SVIL: variants seen among roughly 807,000 people sequenced by gnomAD.
SVIL encodes the protein supervillin, also known as archvillin.
SVIL carries 101 observed loss-of-function variants against 240.4 expected under a neutral mutation model. The observed-to-expected ratio is 0.42, with a 90% CI of 0.36 to 0.50. The LOEUF is 0.50. Among genes scored for constraint, SVIL ranks in the 20% least tolerant of loss-of-function variants. SVIL has a pLI of 0.01. For synonymous variants in SVIL, 999 were observed against 1,100.0 expected (o/e 0.91, Z 1.82); for missense variants, 2,512 against 2,818.7 (o/e 0.89, Z 2.46).
In SVIL at chr10:29,735,769, CCTCCCGGTGGCAGGATCGCCG is replaced by C; in HGVS notation, c.-439_-419del. 1 of 152,062 alleles carries C rather than the reference CCTCCCGGTGGCAGGATCGCCG, an allele frequency of 6.6e-6. No individual in the cohort carries two copies. The highest frequency in any genetic ancestry group is 3.4e-3 in the Middle Eastern group (1 of 290). The allele number at this position is 152,062 out of a possible 1,614,324, so 9.4% of individuals were successfully genotyped here. ...TGCTCACCTACCCGGCTCTTCCACA[CCTCCCGGTGGCAGGATCGCCG>C]CTTCCCGCCGACAGCGGCTCGGCGG... is the stretch of plus-strand genomic sequence containing the variant. On this transcript the variant is annotated 5_prime_UTR_variant, in exon 1 of 36. Transcript: ENST00000375400. This position sits in a 1 kb window ranked among gnomAD's most constrained non-coding sequence, Gnocchi z 4.1.
intron 3 of SVIL, among the ~76,000 whole-genome samples, chr10:29,561,096 C>A (rs949419527): frequency 6.7e-6 from 1 of 148,454 alleles, no homozygotes; most frequent in Non-Finnish European, 1.5e-5. Flanking sequence ...GCTGGGATTA[C>A]AGATGCGAGC....
chr10:29,548,716 A>G (rs1952927484), intron 6 of SVIL, among the ~76,000 whole-genome samples: 1 of 152,226 alleles, frequency 6.6e-6, no homozygotes, highest in Middle Eastern at 3.2e-3. Context: ...TGTGCTCTGC[A>G]CTGAGATGCT....
intron 1 of SVIL, among the ~76,000 whole-genome samples, chr10:29,613,002 CT>C: frequency 6.6e-6 from 1 of 152,050 alleles, no homozygotes; most frequent in Middle Eastern, 3.4e-3. Flanking sequence ...ATGGTGAAAC[CT>C]GGTCTCTACT....
At position 29,594,767 on chromosome 10, in the gene SVIL, G is replaced by A. The variant is rs555475106; in HGVS notation, c.-200-25455C>T. ...AGACAGGGTTTCGCCATATTGCCTA[G>A]GCCAGTCTTGAACTCCTGGGCTCAA... is the stretch of plus-strand genomic sequence containing the variant. On this transcript the variant is annotated intron_variant, in intron 1 of 37. Transcript: ENST00000355867. 1.1e-3 allele frequency among the ~76,000 whole-genome samples: 168 copies of A among 152,192 alleles called. 1 individual carries two copies. The South Asian group carries it at 0.034, about 31-fold the overall frequency.
intron 32 of SVIL, 135 bp downstream of exon 32, chr10:29,470,141 A>G: frequency 2.0e-6 from 2 of 998,926 alleles, no homozygotes; most frequent in Non-Finnish European, 3.0e-6. Context: ...GCCCCTGACC[A>G]CGTTCCCAGC....
chr10:29,533,988 C>G (rs1225189040), intron 7 of SVIL, among the ~76,000 whole-genome samples: 1 of 152,326 alleles, frequency 6.6e-6, no homozygotes, highest in East Asian at 1.9e-4. Context: ...CAACAATCAC[C>G]TCTCTTTTAA....
intron 20 of SVIL, among the ~76,000 whole-genome samples, chr10:29,493,715 T>C (rs1482333799): frequency 6.6e-6 from 1 of 152,092 alleles, no homozygotes; most frequent in African/African-American, 2.4e-5. Flanking sequence ...ACGTGAAGGG[T>C]TGGCAAACTT....
intron 1 of SVIL, among the ~76,000 whole-genome samples, chr10:29,695,806 CG>C (rs1387609211): frequency 2.1e-5 from 3 of 140,340 alleles, no homozygotes; most frequent in South Asian, 2.5e-4. Flanking sequence ...CTCCCTCTCC[CG>C]TCTCCCTCTC....
chr10:29,583,076 T>C (rs1197686938), intron 1 of SVIL, among the ~76,000 whole-genome samples: 1 of 152,160 alleles, frequency 6.6e-6, no homozygotes, highest in African/African-American at 2.4e-5. Flanking sequence ...CAAGCACATA[T>C]ATAAAATGTC....
chr10:29,643,515 T>G (rs1958554906), intron 3 of SVIL, among the ~76,000 whole-genome samples: 2 of 152,220 alleles, frequency 1.3e-5, no homozygotes, highest in African/African-American at 4.8e-5. Context: ...TACACCTGTA[T>G]GAATCGAGCT....
At chr10:29,600,973 T>C (rs1956790146) in intron 1 of SVIL, among the ~76,000 whole-genome samples, 1 of 152,190 alleles carries the variant, frequency 6.6e-6, no homozygotes, top group Admixed American at 6.5e-5. Context: ...ACCACATACA[T>C]AGACACTCCC....
intron 18 of SVIL, among the ~76,000 whole-genome samples, chr10:29,498,830 A>T (rs116551182): frequency 0.042 from 6,439 of 152,200 alleles, 378 homozygotes; most frequent in African/African-American, 0.13. Flanking sequence ...AAAAATTTTT[A>T]AAAAGCCAAG....
chr10:29,635,046 T>A (rs922495557), upstream of SVIL: 1 of 152,094 alleles, frequency 6.6e-6, no homozygotes, highest in African/African-American at 2.4e-5. Flanking sequence ...CTACCAGAAA[T>A]AGCCCTGGAA....
chr10:29,494,643 T>C (rs1948262752), intron 20 of SVIL, among the ~76,000 whole-genome samples: 1 of 152,226 alleles, frequency 6.6e-6, no homozygotes, highest in Admixed American at 6.5e-5. Context: ...CAAGGTCACG[T>C]TGATTTTGCC....
At chr10:29,486,355 G>A in intron 25 of SVIL, 55 bp downstream of exon 25, 1 of 1,605,790 alleles carries the variant, frequency 6.2e-7, no homozygotes. Context: ...ATGAGCTAAG[G>A]GAGAAGAAAG....
At chr10:29,584,683 A>G (rs1003531334) in intron 1 of SVIL, among the ~76,000 whole-genome samples, 4 of 152,032 alleles carry the variant, frequency 2.6e-5, no homozygotes, top group African/African-American at 9.7e-5. Context: ...CTTCCCATGG[A>G]GTCGACACGG....
chr10:29,563,430 T>C (rs1207407223), intron 2 of SVIL, 138 bp from the exon 3 acceptor site: 3 of 204,196 alleles, frequency 1.5e-5, no homozygotes, highest in Non-Finnish European at 2.6e-5. Context: ...ATGTTTTATA[T>C]TGGGGAGTAA....
intron 27 of SVIL, chr10:29,483,641 C>A (rs1588920514): frequency 6.6e-6 from 1 of 152,162 alleles, no homozygotes; most frequent in Non-Finnish European, 1.5e-5. Context: ...TTAGCTTGTT[C>A]TTTTTTCCTT....
At chr10:29,491,992 G>A (rs980386317) in intron 21 of SVIL, among the ~76,000 whole-genome samples, 2 of 152,198 alleles carry the variant, frequency 1.3e-5, no homozygotes, top group African/African-American at 4.8e-5. Context: ...AATTTATCAG[G>A]AGCAGCTTGT....
Sources: gnomAD v4.1 joint callset for allele counts (sites outside exome capture counted in the v4.1 genomes callset) on GRCh38, gnomAD v4.1.1 for gene constraint, Gnocchi (gnomAD v3.1) non-coding constraint, MANE v1.5 for transcripts, NCBI Gene and HGNC (gene_info 2026-07-23, HGNC 2026-07-21) for gene names.